Variants in KCNN2 observed in about 807,000 individuals in gnomAD.
KCNN2 encodes the protein potassium calcium-activated channel subfamily N member 2, also known as small conductance calcium-activated potassium channel protein 2.
Under a neutral mutation model 55.5 loss-of-function variants are expected in KCNN2, and 24 were observed. The ratio of observed to expected loss-of-function variants is 0.43; its 90% confidence interval spans 0.31 to 0.61. KCNN2 has a LOEUF of 0.61. Ranked by LOEUF, KCNN2 falls within the 20% of genes least tolerant of loss-of-function variation. The pLI is 0.08. For missense variants in KCNN2, 754 were observed against 853.6 expected, an observed-to-expected ratio of 0.88 and a Z score of 1.45; for synonymous variants, 431 against 336.1, an observed-to-expected ratio of 1.28 and a Z score of -3.09.
At chr5:114,349,472 G>A (rs1219321760) in intron 2 of KCNN2, among the ~76,000 whole-genome samples, 1 of 151,922 alleles carries the variant, frequency 6.6e-6, no homozygotes, top group African/African-American at 2.4e-5. Flanking sequence ...ATGTGTATAA[G>A]GTGTATATGA....
At chr5:114,385,504 C>T (rs1239760954) in intron 2 of KCNN2, among the ~76,000 whole-genome samples, 1 of 137,228 alleles carries the variant, frequency 7.3e-6, no homozygotes, top group Non-Finnish European at 1.5e-5. Flanking sequence ...TTATTGACAG[C>T]ATACACACAT....
chr5:114,373,160 T>G (rs1002305486), intron 2 of KCNN2, among the ~76,000 whole-genome samples: 1 of 152,132 alleles, frequency 6.6e-6, no homozygotes, highest in African/African-American at 2.4e-5. Flanking sequence ...CTGCAGTATC[T>G]AGGTCCAGTG....
At chr5:114,308,328 T>A (rs1756329736) in intron 2 of KCNN2, among the ~76,000 whole-genome samples, 1 of 152,148 alleles carries the variant, frequency 6.6e-6, no homozygotes, top group African/African-American at 2.4e-5. Context: ...CAGCTTGAGA[T>A]GAAGCCTTGT....
At chr5:114,281,625 CTGTGTGTG>C (rs10579037) in intron 2 of KCNN2, among the ~76,000 whole-genome samples, 6 of 145,394 alleles carry the variant, frequency 4.1e-5, no homozygotes, top group Non-Finnish European at 6.1e-5. Context: ...CCCTCCATCT[CTGTGTGTG>C]TGTGTGTGTG....
chr5:114,224,013 G>A (rs1187237305), intron 2 of KCNN2, among the ~76,000 whole-genome samples: 1 of 152,170 alleles, frequency 6.6e-6, no homozygotes, highest in Non-Finnish European at 1.5e-5. Context: ...GTTCAGTGAT[G>A]CTGAGAACAG....
At chr5:114,412,656 C>A (rs1227619105) in intron 3 of KCNN2, among the ~76,000 whole-genome samples, 1 of 152,104 alleles carries the variant, frequency 6.6e-6, no homozygotes, top group Non-Finnish European at 1.5e-5. Context: ...TCCTGGTCTG[C>A]CAGCCATGAT....
intron 1 of KCNN2, among the ~76,000 whole-genome samples, chr5:114,211,264 T>C (rs1343605815): frequency 6.6e-6 from 1 of 152,164 alleles, no homozygotes; most frequent in Non-Finnish European, 1.5e-5. Context: ...TGCACAAGTA[T>C]GTTCACTGCA....
chr5:114,208,640 C>T (rs564656244), intron 1 of KCNN2, among the ~76,000 whole-genome samples: 54 of 152,242 alleles, frequency 3.5e-4, no homozygotes, highest in African/African-American at 1.2e-3. Flanking sequence ...TGGGGTGAAG[C>T]TCAGGTATAT....
intron 1 of KCNN2, among the ~76,000 whole-genome samples, chr5:114,195,283 T>A (rs528864311): frequency 6.6e-6 from 1 of 152,004 alleles, no homozygotes; most frequent in Admixed American, 6.6e-5. Context: ...TTGAGTAGTA[T>A]TGCCAACTGA....
At chr5:114,173,438 T>TGTG (rs1753078207) in intron 1 of KCNN2, among the ~76,000 whole-genome samples, 7 of 142,204 alleles carry the variant, frequency 4.9e-5, no homozygotes, top group Non-Finnish European at 7.7e-5. Flanking sequence ...TTTGTTTTGT[T>TGTG]TGTGTGTGTG....
intron 1 of KCNN2, among the ~76,000 whole-genome samples, chr5:114,137,863 T>C (rs898913474): frequency 6.6e-6 from 1 of 152,104 alleles, no homozygotes; most frequent in African/African-American, 2.4e-5. Flanking sequence ...GGGGAAACAA[T>C]AGGAAGTGTA....
intron 2 of KCNN2, among the ~76,000 whole-genome samples, chr5:114,271,481 A>G (rs1426714668): frequency 6.6e-6 from 1 of 152,178 alleles, no homozygotes; most frequent in Non-Finnish European, 1.5e-5. Context: ...AAAAACTTGA[A>G]AAACACAGAA....
intron 2 of KCNN2, among the ~76,000 whole-genome samples, chr5:114,318,519 T>C (rs1486005245): frequency 1.3e-5 from 2 of 151,930 alleles, no homozygotes; most frequent in African/African-American, 4.8e-5. Flanking sequence ...TATTGTACTA[T>C]ATTATACCAC....
At chr5:114,434,358 A>G (rs1759927808) in intron 3 of KCNN2, among the ~76,000 whole-genome samples, 1 of 151,994 alleles carries the variant, frequency 6.6e-6, no homozygotes, top group South Asian at 2.1e-4. Flanking sequence ...CTCTCTGCTT[A>G]CCTTACCCAT....
chr5:114,294,622 C>T (rs1181372337), intron 2 of KCNN2, among the ~76,000 whole-genome samples: 1 of 151,998 alleles, frequency 6.6e-6, no homozygotes. Flanking sequence ...ACTATGTGGT[C>T]AGTTTTGGAA....
At chr5:114,405,701 G>A (rs949401532) in intron 3 of KCNN2, among the ~76,000 whole-genome samples, 19 of 127,966 alleles carry the variant, frequency 1.5e-4, no homozygotes, top group African/African-American at 5.0e-4. Flanking sequence ...AGTTTTTTTT[G>A]TTTTGTTTTG....
chr5:114,284,195 A>G (rs971757751), intron 2 of KCNN2, among the ~76,000 whole-genome samples: 1 of 152,122 alleles, frequency 6.6e-6, no homozygotes, highest in Non-Finnish European at 1.5e-5. Context: ...AAATTCCCTA[A>G]TATCTTAGGT....
intron 1 of KCNN2, among the ~76,000 whole-genome samples, chr5:114,086,660 A>G (rs943810745): frequency 6.6e-6 from 1 of 151,744 alleles, no homozygotes; most frequent in Non-Finnish European, 1.5e-5. Flanking sequence ...TAAGAACCAC[A>G]TTTTCTTTAT....
chr5:114,087,475 A>G lies in KCNN2; in HGVS notation c.-271+30975A>G, dbSNP rs1751040672. ...TGTATATGGTAAAAGGTAGGGGTCC[A>G]GTTTTATTCTTCTGCATGTGGCTAG... On this transcript the variant is annotated intron_variant, in intron 1 of 10. Coordinates refer to the KCNN2 transcript ENST00000512097. Among the ~76,000 whole-genome samples the G allele has an allele frequency of 3.9e-5, 6 of 152,258 alleles. No individual in the cohort carries two copies. The South Asian group carries it at 1.2e-3, about 32-fold the overall frequency.
Sources: gnomAD v4.1 joint callset for allele counts (sites outside exome capture counted in the v4.1 genomes callset) on GRCh38, gnomAD v4.1.1 for gene constraint, MANE v1.5 for transcripts, NCBI Gene and HGNC (gene_info 2026-07-23, HGNC 2026-07-21) for gene names.